Variants in RBFOX1 observed in about 807,000 individuals in gnomAD.
The protein encoded by RBFOX1 is RNA binding protein fox-1 homolog 1.
Under a neutral mutation model 57.7 loss-of-function variants are expected in RBFOX1, and 8 were observed. The ratio of observed to expected loss-of-function variants is 0.14; its 90% CI spans 0.08 to 0.25. RBFOX1 has a LOEUF of 0.25. RBFOX1 is among the 10% of genes least tolerant of loss of function. RBFOX1 has a pLI of 1.00. For synonymous variants in RBFOX1, 326 were observed against 222.4 expected (o/e 1.47, Z -4.15); for missense variants, 611 against 548.5 (o/e 1.11, Z -1.14).
In RBFOX1 at chr16:7,586,863, A is replaced by T. The variant is rs545516953; in HGVS notation, c.415-384A>T. On this transcript the variant is annotated intron_variant, in intron 6 of 15. Coordinates refer to ENST00000550418, the MANE Select transcript of RBFOX1 (RefSeq NM_018723.4). The stretch of plus-strand genomic sequence containing the variant: ...ATCACATTCTCACTGGACATTGATT[A>T]TCAAAATCACATTTCATCAAGGGTG... 3.9e-5 allele frequency among the ~76,000 whole-genome samples: 6 copies of T among 152,364 alleles called. No homozygotes were observed. The East Asian group carries it at 9.6e-4, about 24-fold the overall frequency.
rs557785072 is a variant in RBFOX1, at chr16:7,679,328, C to A, written c.995+2490C>A. 1.2e-4 allele frequency among the ~76,000 whole-genome samples: 18 copies of A among 152,212 alleles called. No individual in the cohort carries two copies. In the South Asian group the frequency reaches 1.9e-3, roughly 16 times the overall value. ...CTCTCAGAAGTAGCAATTGTGTAAC[C>A]AATTATTTTTATATCATCACAGCAT... On this transcript the variant is annotated intron_variant, in intron 14 of 15. Coordinates refer to ENST00000550418, the MANE Select transcript of RBFOX1 (RefSeq NM_018723.4).
intron 4 of RBFOX1, among the ~76,000 whole-genome samples, chr16:7,284,850 G>T (rs1603487044): frequency 6.6e-6 from 1 of 152,146 alleles, no homozygotes; most frequent in South Asian, 2.1e-4. Context: ...TCATCTTTTG[G>T]CCACTGCCTT....
In RBFOX1 at chr16:5,744,637, A is replaced by G. The variant is rs186462215; in HGVS notation, c.319-122666A>G. On this transcript the variant is annotated intron_variant, in intron 3 of 19. Transcript: ENST00000641259. ...TGGGGAAGGGAGAGCAAGTTGTTAA[A>G]TATTTACCATCTCACCCGATCTGAA... Among the ~76,000 whole-genome samples the G allele has an allele frequency of 9.2e-5, 14 of 152,322 alleles. No individual in the cohort carries two copies. In the East Asian group the frequency reaches 2.7e-3, roughly 29 times the overall value.
At chr16:7,654,066 C>T (rs1203095895) in intron 12 of RBFOX1, 119 bp downstream of exon 12, 2 of 1,081,756 alleles carry the variant, frequency 1.8e-6, no homozygotes, top group East Asian at 5.5e-5. Flanking sequence ...CCAGAACCGC[C>T]CCCAGCATGC....
At chr16:5,575,732 C>A (rs911672798) in intron 2 of RBFOX1, among the ~76,000 whole-genome samples, 2 of 152,142 alleles carry the variant, frequency 1.3e-5, no homozygotes, top group African/African-American at 4.8e-5. Context: ...GCTGATGCCT[C>A]CCTGTCCAAA....
At chr16:7,154,596 A>G (rs541821381) in intron 4 of RBFOX1, among the ~76,000 whole-genome samples, 1 of 152,230 alleles carries the variant, frequency 6.6e-6, no homozygotes, top group African/African-American at 2.4e-5. Context: ...GAAGGCATTT[A>G]GAAGATACTG....
intron 3 of RBFOX1, among the ~76,000 whole-genome samples, chr16:7,018,328 C>T (rs746686758): frequency 6.6e-6 from 1 of 152,134 alleles, no homozygotes; most frequent in Non-Finnish European, 1.5e-5. Flanking sequence ...GAAGCCTAAC[C>T]TCCGGGAGTT....
chr16:6,343,044 T>G (rs760267023), intron 2 of RBFOX1, among the ~76,000 whole-genome samples: 25 of 152,180 alleles, frequency 1.6e-4, no homozygotes, highest in Non-Finnish European at 3.7e-4. Context: ...GATAAGGATT[T>G]TACTTTTAAA....
chr16:7,283,770 T>C (rs1289662915), intron 4 of RBFOX1, among the ~76,000 whole-genome samples: 1 of 152,210 alleles, frequency 6.6e-6, no homozygotes, highest in Non-Finnish European at 1.5e-5. Flanking sequence ...ATCAGATCAT[T>C]GCATCAAAGT....
At chr16:6,647,981 A>T (rs1170318005) in intron 2 of RBFOX1, among the ~76,000 whole-genome samples, 1 of 152,156 alleles carries the variant, frequency 6.6e-6, no homozygotes, top group Non-Finnish European at 1.5e-5. Flanking sequence ...AGCTGGAATT[A>T]CACGTGTGTG....
At chr16:7,581,651 G>A (rs907262689) in intron 6 of RBFOX1, among the ~76,000 whole-genome samples, 1 of 152,114 alleles carries the variant, frequency 6.6e-6, no homozygotes, top group Non-Finnish European at 1.5e-5. Context: ...TAGACGGCAA[G>A]GAGCAAGATC....
At chr16:6,959,557 CTG>C (rs2082533159) in intron 3 of RBFOX1, among the ~76,000 whole-genome samples, 1 of 152,084 alleles carries the variant, frequency 6.6e-6, no homozygotes, top group African/African-American at 2.4e-5. Flanking sequence ...CTCAGTGAGT[CTG>C]TGGCAAAGCA....
chr16:7,171,371 A>C (rs1210975137), intron 4 of RBFOX1, among the ~76,000 whole-genome samples: 5 of 152,210 alleles, frequency 3.3e-5, no homozygotes, highest in African/African-American at 9.6e-5. Flanking sequence ...CTTGACACAT[A>C]GTATTTTCTT....
At position 6,179,307 on chromosome 16, in the gene RBFOX1, C is replaced by A. The variant is rs989120342; in HGVS notation, c.-126-137688C>A. Among the ~76,000 whole-genome samples, 3 of 152,170 alleles carry A rather than the reference C, an allele frequency of 2.0e-5. No homozygotes were observed. In the East Asian group the frequency reaches 5.8e-4, roughly 29 times the overall value. On this transcript the variant is annotated intron_variant, in intron 1 of 15. Transcript: ENST00000550418. ...ACAAGTATTGTTTTTGGTAGCTTTA[C>A]TTTCTAGAAGGCTGGATCTCAGTTC... is the stretch of plus-strand genomic sequence containing the variant.
intron 4 of RBFOX1, among the ~76,000 whole-genome samples, chr16:7,336,775 T>C (rs1427127725): frequency 6.6e-6 from 1 of 152,244 alleles, no homozygotes; most frequent in Non-Finnish European, 1.5e-5. Flanking sequence ...TTCCTATATC[T>C]GTAATTGTAA....
intron 1 of RBFOX1, among the ~76,000 whole-genome samples, chr16:5,438,198 A>G (rs965809992): frequency 6.6e-6 from 1 of 152,212 alleles, no homozygotes; most frequent in Admixed American, 6.5e-5. Context: ...ACAAAACTAG[A>G]GGAAGGCTCA....
At chr16:6,939,512 T>TTTA (rs2077975831) in intron 3 of RBFOX1, among the ~76,000 whole-genome samples, 8 of 151,530 alleles carry the variant, frequency 5.3e-5, no homozygotes, top group Non-Finnish European at 1.0e-4. Flanking sequence ...CTTTCTTTTT[T>TTTA]TTTTTTTCTT....
chr16:5,548,338 T>G (rs142872192), intron 2 of RBFOX1, among the ~76,000 whole-genome samples: 25 of 151,384 alleles, frequency 1.7e-4, no homozygotes, highest in African/African-American at 5.8e-4. Context: ...TGCAATATAC[T>G]TGAGTAACAA....
At chr16:6,982,927 G>A (rs1265204402) in intron 3 of RBFOX1, among the ~76,000 whole-genome samples, 6 of 149,716 alleles carry the variant, frequency 4.0e-5, no homozygotes, top group Admixed American at 4.0e-4. Flanking sequence ...CCAGGAGGTG[G>A]AGGTTGCAGT....
Sources: gnomAD v4.1 joint callset for allele counts (sites outside exome capture counted in the v4.1 genomes callset) on GRCh38, gnomAD v4.1.1 for gene constraint, MANE v1.5 for transcripts, NCBI Gene and HGNC (gene_info 2026-07-23, HGNC 2026-07-21) for gene names.